Variants in ZNF292 observed in about 807,000 individuals in gnomAD.
The protein encoded by ZNF292 is zinc finger protein 292.
In ZNF292, 26 loss-of-function variants were observed where a neutral mutation model predicts 217.9. That is an observed-to-expected ratio of 0.12 (90% CI 0.09 to 0.17). ZNF292 has a LOEUF of 0.17. Ranked by LOEUF, ZNF292 falls within the 10% of genes least tolerant of loss-of-function variation. ZNF292 has a pLI of 1.00. For missense variants in ZNF292, 2,904 were observed against 3,175.2 expected (o/e 0.91, Z 2.05); for synonymous variants, 1,257 against 1,124.1 (o/e 1.12, Z -2.37).
At chr6:87,188,329 T>C (rs771620317) in intron 1 of ZNF292, among the ~76,000 whole-genome samples, 44 of 152,176 alleles carry the variant, frequency 2.9e-4, no homozygotes, top group Non-Finnish European at 5.3e-4. Context: ...TCAGGCTGTT[T>C]TGATACCTTG....
intron 1 of ZNF292, among the ~76,000 whole-genome samples, chr6:87,180,462 G>T (rs1771440393): frequency 1.3e-5 from 2 of 152,304 alleles, no homozygotes; most frequent in Admixed American, 1.3e-4. Context: ...CACAGCCCCA[G>T]CGTCAGCTTA....
intron 1 of ZNF292, among the ~76,000 whole-genome samples, chr6:87,156,922 A>G (rs1202184515): frequency 6.6e-6 from 1 of 152,242 alleles, no homozygotes; most frequent in Non-Finnish European, 1.5e-5. Context: ...AAAAGAAGAC[A>G]CAATTTACAC....
intron 1 of ZNF292, among the ~76,000 whole-genome samples, chr6:87,203,398 C>T (rs1056846881): frequency 2.0e-5 from 3 of 152,038 alleles, no homozygotes; most frequent in Admixed American, 6.6e-5. Context: ...CCGCCTCAGC[C>T]TACCAAAGTG....
chr6:87,258,464 C>G lies in ZNF292; in HGVS notation c.4835C>G (p.Pro1612Arg). Residue 1612 changes from proline to arginine, a missense_variant, in exon 8 of 8, where the codon CCT (proline) becomes CGT (arginine). Physicochemically the swap from Pro to Arg is moderately radical, Grantham distance 103. Around this residue, in one of 15 missense-constraint regions of ZNF292, gnomAD observed 622 missense variants for 573.1 expected, o/e 1.09. Coordinates refer to ENST00000369577, the MANE Select transcript of ZNF292 (RefSeq NM_015021.3). Reference sequence around the variant, plus strand: ...TCTCGTGTTTCTGTTATAAGTGGTCCTCAGAACACAAGATCCAGTCATTTA... The same window carrying G: ...TCTCGTGTTTCTGTTATAAGTGGTCGTCAGAACACAAGATCCAGTCATTTA... ...NSSRVSVISG[P>R]QNTRSSHLNK... is the part of the protein sequence containing the mutation. 1 of 1,613,596 alleles carries G rather than the reference C, an allele frequency of 6.2e-7. No individual in the cohort carries two copies. Among genetic ancestry groups the G allele is most frequent in the Non-Finnish European group, 8.5e-7 (1 of 1,179,746 alleles).
At chr6:87,156,069 G>A (rs1177933743) in intron 1 of ZNF292, among the ~76,000 whole-genome samples, 1 of 152,276 alleles carries the variant, frequency 6.6e-6, no homozygotes, top group Non-Finnish European at 1.5e-5. Context: ...GGATTGGAGA[G>A]AGTAGGAGAA....
chr6:87,208,358 A>C lies in ZNF292; in HGVS notation c.169-7545A>C, dbSNP rs561100352. Among the ~76,000 whole-genome samples, 7 of 152,230 alleles carry C rather than the reference A, an allele frequency of 4.6e-5. No homozygotes were observed. The South Asian group carries it at 1.4e-3, about 32-fold the overall frequency. ...TTTCTTTATTCCCCTCAATTTCTCTATTCTGACTTCCTGGAACTCCTGTTA... is the reference window on the plus strand; with the variant it reads ...TTTCTTTATTCCCCTCAATTTCTCTCTTCTGACTTCCTGGAACTCCTGTTA... On this transcript the variant is annotated intron_variant, in intron 1 of 7. Coordinates refer to ENST00000369577, the MANE Select transcript of ZNF292 (RefSeq NM_015021.3).
intron 5 of ZNF292, among the ~76,000 whole-genome samples, chr6:87,242,965 A>G (rs978556338): frequency 1.3e-5 from 2 of 152,146 alleles, no homozygotes; most frequent in African/African-American, 4.8e-5. Flanking sequence ...TAAAAGTGGT[A>G]CAGTTACATA....
chr6:87,183,994 A>G (rs1199083773), intron 1 of ZNF292, among the ~76,000 whole-genome samples: 1 of 152,206 alleles, frequency 6.6e-6, no homozygotes, highest in Non-Finnish European at 1.5e-5. Context: ...TAAAAAAAGG[A>G]CATCTCCATT....
intron 1 of ZNF292, among the ~76,000 whole-genome samples, chr6:87,214,128 C>T (rs577689843): frequency 6.6e-6 from 1 of 152,212 alleles, no homozygotes; most frequent in East Asian, 1.9e-4. Flanking sequence ...AAATAAAAGG[C>T]TTTAATTTCT....
chr6:87,202,928 A>C (rs1772136441), intron 1 of ZNF292, among the ~76,000 whole-genome samples: 2 of 152,038 alleles, frequency 1.3e-5, no homozygotes, highest in Non-Finnish European at 2.9e-5. Context: ...AAATTAAACT[A>C]TCTTAGGTAT....
At chr6:87,203,617 A>G (rs73483760) in intron 1 of ZNF292, among the ~76,000 whole-genome samples, 12,372 of 151,748 alleles carry the variant, frequency 0.082, 862 homozygotes, top group African/African-American at 0.19. Context: ...GGGTGCTGCA[A>G]TGGCCCAGAG....
At chr6:87,198,982 C>A (rs1402694162) in intron 1 of ZNF292, among the ~76,000 whole-genome samples, 1 of 152,134 alleles carries the variant, frequency 6.6e-6, no homozygotes. Flanking sequence ...CAGTCATATA[C>A]TTTTCTTTTG....
intron 1 of ZNF292, chr6:87,173,229 A>T (rs1251723362): frequency 1.3e-5 from 2 of 151,830 alleles, no homozygotes; most frequent in African/African-American, 4.8e-5. Context: ...CCAACTCCTT[A>T]TCAAGTGTTC....
intron 1 of ZNF292, among the ~76,000 whole-genome samples, chr6:87,160,694 ATATAT>A (rs1202215729): frequency 6.6e-6 from 1 of 151,862 alleles, no homozygotes; most frequent in Non-Finnish European, 1.5e-5. Flanking sequence ...GTATATATAT[ATATAT>A]AATTTTCTTA....
intron 4 of ZNF292, among the ~76,000 whole-genome samples, chr6:87,221,311 T>C (rs934844742): frequency 2.0e-5 from 3 of 152,208 alleles, no homozygotes; most frequent in African/African-American, 7.2e-5. Context: ...ATATTACTTA[T>C]GCCTCTCTTT....
chr6:87,243,050 T>G (rs866291984), intron 5 of ZNF292, among the ~76,000 whole-genome samples: 8 of 151,894 alleles, frequency 5.3e-5, no homozygotes, highest in African/African-American at 1.9e-4. Context: ...TACCTCTCTG[T>G]GTGTCTCTGT....
intron 4 of ZNF292, among the ~76,000 whole-genome samples, chr6:87,222,506 A>G (rs935472393): frequency 1.3e-5 from 2 of 151,870 alleles, no homozygotes; most frequent in Non-Finnish European, 2.9e-5. Flanking sequence ...AAGTTCTTTT[A>G]TGTAAGATTA....
chr6:87,165,307 G>T (rs1336111067), intron 1 of ZNF292, among the ~76,000 whole-genome samples: 9 of 152,160 alleles, frequency 5.9e-5, no homozygotes, highest in Non-Finnish European at 1.3e-4. Flanking sequence ...AAATCAAAGA[G>T]AGTAAGTCTG....
intron 1 of ZNF292, among the ~76,000 whole-genome samples, chr6:87,212,161 C>A (rs1772516781): frequency 6.6e-6 from 1 of 152,084 alleles, no homozygotes; most frequent in Admixed American, 6.6e-5. Flanking sequence ...ATAAAGGATA[C>A]AAATGAACAG....
Sources: gnomAD v4.1 joint callset for allele counts (sites outside exome capture counted in the v4.1 genomes callset) on GRCh38, gnomAD v4.1.1 for gene constraint, gnomAD v4.1.1 regional missense constraint, MANE v1.5 for transcripts, NCBI Gene and HGNC (gene_info 2026-07-23, HGNC 2026-07-21) for gene names.